Variants in MSH4 observed in about 807,000 individuals in gnomAD.
MSH4 encodes mutS protein homolog 4.
A neutral mutation model predicts 113.7 loss-of-function variants in MSH4; 106 were observed. That is an observed-to-expected ratio of 0.93 (90% CI 0.80 to 1.10). MSH4 has a LOEUF of 1.10. Among genes scored for constraint, MSH4 ranks in the 50% least tolerant of loss-of-function variants. The probability of loss-of-function intolerance (pLI) is 0.00; values close to 1 mark genes in which losing one functional copy is unlikely to be tolerated. For missense variants in MSH4, 1,061 were observed against 1,093.7 expected (o/e 0.97, Z 0.42); for synonymous variants, 368 against 380.2 (o/e 0.97, Z 0.37).
At chr1:75,853,254 G>T (rs372679345) in intron 8 of MSH4, among the ~76,000 whole-genome samples, 1 of 152,008 alleles carries the variant, frequency 6.6e-6, no homozygotes, top group Non-Finnish European at 1.5e-5. Flanking sequence ...TAGTAGAAAC[G>T]GGGTTTCACC....
intron 9 of MSH4, among the ~76,000 whole-genome samples, chr1:75,870,758 T>C (rs1345553223): frequency 6.6e-6 from 1 of 152,192 alleles, no homozygotes; most frequent in Non-Finnish European, 1.5e-5. Context: ...CAGTCTTGGG[T>C]ATGTCTTTCT....
At chr1:75,838,189 G>T (rs984058369) in intron 7 of MSH4, among the ~76,000 whole-genome samples, 1 of 152,172 alleles carries the variant, frequency 6.6e-6, no homozygotes, top group Non-Finnish European at 1.5e-5. Flanking sequence ...TCTGGAGGGG[G>T]AGTCCATTTC....
At chr1:75,816,601 A>G (rs1650299639) in intron 6 of MSH4, 55 bp downstream of exon 6, 6 of 1,046,492 alleles carry the variant, frequency 5.7e-6, no homozygotes, top group Non-Finnish European at 2.6e-6. Context: ...ATATTTTTCT[A>G]TTAATGGTAA....
chr1:75,883,877 G>A, intron 15 of MSH4, 56 bp downstream of exon 15: 5 of 1,488,388 alleles, frequency 3.4e-6, no homozygotes, highest in Non-Finnish European at 4.6e-6. Flanking sequence ...AGAATGCTTT[G>A]TGCCTAATTT....
Position 75,810,731 on chromosome 1 carries a change from AAAT to A in MSH4, c.630_632del (p.Ile210del), listed in dbSNP as rs752358676. ...AAACTTAAAATTTTATCACCTTTGG[AAAT>A]AATAATGTCAAATACTGCTTGTGCT... On this transcript the variant is annotated inframe_deletion, in exon 4 of 20. Coordinates refer to ENST00000263187, the MANE Select transcript of MSH4 (RefSeq NM_002440.4). The A allele has an allele frequency of 6.3e-7, 1 of 1,578,298 alleles. No individual in the cohort carries two copies. Among genetic ancestry groups the A allele is most frequent in the Non-Finnish European group, 8.6e-7 (1 of 1,165,678 alleles).
intron 1 of MSH4, among the ~76,000 whole-genome samples, chr1:75,798,559 C>CTTTTTT (rs35974049): frequency 7.3e-6 from 1 of 137,660 alleles, no homozygotes; most frequent in Non-Finnish European, 1.5e-5. Context: ...CCTCTCTGCA[C>CTTTTTT]TTTTTTTTTT....
rs575917318 is a variant in MSH4 at position 75,797,744 on chromosome 1, C to T, written c.244+515C>T. Among the ~76,000 whole-genome samples, 12 of 152,282 alleles carry T rather than the reference C, an allele frequency of 7.9e-5. No homozygotes were observed. In the East Asian group the frequency reaches 2.3e-3, roughly 29 times the overall value. ...GCCGGGAGTTCCACACCAGCCTGGC[C>T]AACATGGTGAACCTCCCACCCCCAT... On this transcript the variant is annotated intron_variant, in intron 1 of 19. Transcript: ENST00000263187.
At chr1:75,804,199 C>T (rs551551464) in intron 2 of MSH4, among the ~76,000 whole-genome samples, 3 of 152,174 alleles carry the variant, frequency 2.0e-5, no homozygotes, top group African/African-American at 4.8e-5. Context: ...GCATTTAAAT[C>T]TAAAAGTTGA....
chr1:75,819,530 G>A (rs187879509), intron 6 of MSH4, among the ~76,000 whole-genome samples: 2 of 152,182 alleles, frequency 1.3e-5, no homozygotes, highest in South Asian at 2.1e-4. Flanking sequence ...ATCGCCATTA[G>A]GCTGTAAGGT....
At chr1:75,851,049 T>C (rs369612933) in intron 8 of MSH4, among the ~76,000 whole-genome samples, 2 of 152,194 alleles carry the variant, frequency 1.3e-5, no homozygotes, top group Admixed American at 1.3e-4. Flanking sequence ...ACCATCCTTT[T>C]GCTTTTAACT....
At chr1:75,845,814 G>C (rs1444201197) in intron 7 of MSH4, among the ~76,000 whole-genome samples, 1 of 152,090 alleles carries the variant, frequency 6.6e-6, no homozygotes, top group Non-Finnish European at 1.5e-5. Flanking sequence ...GGCTCCACCA[G>C]GCATAGTGGG....
chr1:75,863,504 G>C (rs1400071147), intron 8 of MSH4, among the ~76,000 whole-genome samples: 1 of 151,466 alleles, frequency 6.6e-6, no homozygotes, highest in African/African-American at 2.4e-5. Flanking sequence ...CTTTTCTTCT[G>C]TTTCTCTGTA....
intron 1 of MSH4, among the ~76,000 whole-genome samples, chr1:75,803,509 C>G (rs552354640): frequency 2.0e-5 from 3 of 151,880 alleles, no homozygotes; most frequent in African/African-American, 7.2e-5. Context: ...CCCAGCTACT[C>G]GGGAGGCTGA....
chr1:75,912,585 C>G, intron 19 of MSH4, 111 bp from the exon 20 acceptor site: 1 of 593,766 alleles, frequency 1.7e-6, no homozygotes, highest in Non-Finnish European at 2.6e-6. Context: ...TTAGTTAACC[C>G]TTGAGTTCCA....
At chr1:75,899,942 A>C (rs1437916262) in intron 19 of MSH4, among the ~76,000 whole-genome samples, 2 of 151,742 alleles carry the variant, frequency 1.3e-5, no homozygotes, top group East Asian at 1.9e-4. Flanking sequence ...AAAATTAAAC[A>C]GTTTAGTTTA....
At chr1:75,842,588 G>C (rs1297591502) in intron 7 of MSH4, among the ~76,000 whole-genome samples, 3 of 152,158 alleles carry the variant, frequency 2.0e-5, no homozygotes, top group Admixed American at 2.0e-4. Context: ...CATACCCTAG[G>C]AAAAACCAGG....
chr1:75,842,367 G>T (rs1650976084), intron 7 of MSH4, among the ~76,000 whole-genome samples: 1 of 152,100 alleles, frequency 6.6e-6, no homozygotes, highest in African/African-American at 2.4e-5. Context: ...TCTGGATCTG[G>T]AAAGAAAGGA....
At chr1:75,859,548 C>G (rs1318464818) in intron 8 of MSH4, among the ~76,000 whole-genome samples, 1 of 152,166 alleles carries the variant, frequency 6.6e-6, no homozygotes, top group African/African-American at 2.4e-5. Context: ...GCAGGTTGTT[C>G]AGTTTCCATG....
chr1:75,815,966 C>G (rs577402842), intron 5 of MSH4, among the ~76,000 whole-genome samples: 1 of 152,116 alleles, frequency 6.6e-6, no homozygotes, highest in Non-Finnish European at 1.5e-5. Context: ...CGAGATCACA[C>G]CACTGTACCC....
Sources: gnomAD v4.1 joint callset for allele counts (sites outside exome capture counted in the v4.1 genomes callset) on GRCh38, gnomAD v4.1.1 for gene constraint, MANE v1.5 for transcripts, NCBI Gene and HGNC (gene_info 2026-07-23, HGNC 2026-07-21) for gene names.